C1orf159: variants seen among roughly 807,000 people sequenced by gnomAD.
The protein encoded by C1orf159 is chromosome 1 open reading frame 159.
A neutral mutation model predicts 25.6 loss-of-function variants in C1orf159; 19 were observed. The ratio of observed to expected loss-of-function variants is 0.74; its 90% CI spans 0.52 to 1.09. The LOEUF (loss-of-function observed/expected upper bound fraction) is 1.09, where lower values mean the gene tolerates loss of function less well. Among genes scored for constraint, C1orf159 ranks in the 50% least tolerant of loss-of-function variants. The pLI, the probability that C1orf159 is intolerant of heterozygous loss-of-function variation, is 0.00. For missense variants in C1orf159, 274 were observed against 290.6 expected (o/e 0.94, Z 0.42); for synonymous variants, 139 against 124.7 (o/e 1.12, Z -0.77).
intron 1 of C1orf159, among the ~76,000 whole-genome samples, chr1:1,100,592 C>G (rs373607144): frequency 1.3e-5 from 2 of 152,148 alleles, no homozygotes; most frequent in Non-Finnish European, 2.9e-5. Flanking sequence ...ATGACACTAT[C>G]GTTGGATTTC....
rs79165842 is a variant in C1orf159 at position 1,082,771 on chromosome 1, C to T, written c.*122G>A. 2,139 of 915,546 alleles carry T rather than the reference C, an allele frequency of 2.3e-3. 36 individuals are homozygous for T. The African/African-American group carries it at 0.031, about 13-fold the overall frequency. 56.7% of individuals were successfully genotyped at this position (915,546 alleles called of 1,614,324 possible). A position where few individuals can be genotyped will look rare whatever the true frequency, so the allele number is the denominator to read the frequency against. Reference sequence around the variant, plus strand: ...GCTGGGAGGCGGAGGGACTCAGAGCCGAGGCTGTGCCCAGGACTGTCCCGG... The same window carrying T: ...GCTGGGAGGCGGAGGGACTCAGAGCTGAGGCTGTGCCCAGGACTGTCCCGG... On this transcript the variant is annotated 3_prime_UTR_variant, in exon 10 of 10. Coordinates refer to ENST00000421241, the MANE Select transcript of C1orf159 (RefSeq NM_017891.5).
intron 1 of C1orf159, among the ~76,000 whole-genome samples, chr1:1,094,736 A>C (rs1177735311): frequency 6.6e-6 from 1 of 152,146 alleles, no homozygotes; most frequent in Non-Finnish European, 1.5e-5. Context: ...TCTTTTGAAG[A>C]GCAAATGTTT....
chr1:1,108,049 G>C (rs1646200026), intron 1 of C1orf159, among the ~76,000 whole-genome samples: 1 of 152,142 alleles, frequency 6.6e-6, no homozygotes, highest in African/African-American at 2.4e-5. Flanking sequence ...AGACACATTA[G>C]CAGCACCATT....
rs562895638 is a variant in C1orf159, at chr1:1,087,250, C to G, written c.245-46G>C. On this transcript the variant is annotated intron_variant, in intron 5 of 9. Transcript: ENST00000421241. This position sits in a 1 kb window ranked among gnomAD's most constrained non-coding sequence, Gnocchi z 8.3. ...GGGAAGCCTGTGTGCACGGAGCCCA[C>G]GGGGACACCCACGTGCACCCTGAAG... The G allele has an allele frequency of 1.3e-6, 2 of 1,547,934 alleles. No individual in the cohort carries two copies. The highest frequency in any genetic ancestry group is 2.7e-5 in the African/African-American group (2 of 73,372).
At chr1:1,108,109 T>TCAG (rs1438755640) in intron 1 of C1orf159, among the ~76,000 whole-genome samples, 26 of 138,760 alleles carry the variant, frequency 1.9e-4, no homozygotes, top group African/African-American at 7.2e-4. Flanking sequence ...GCCCCATGTC[T>TCAG]CAGCACTGTT....
rs1484620308 is a variant in C1orf159, at chr1:1,110,535, A to G, written c.-136+5525T>C. Among the ~76,000 whole-genome samples the G allele has an allele frequency of 2.0e-5, 3 of 152,346 alleles. No homozygotes were observed. Among genetic ancestry groups the G allele is most frequent in the African/African-American group, 2.4e-5 (1 of 41,582 alleles). ...TGCGAATGGCAACAGATGAGTGGACAGTGCTCAACACGGGTGAGCGTCAGG... is the reference window on the plus strand; with the variant it reads ...TGCGAATGGCAACAGATGAGTGGACGGTGCTCAACACGGGTGAGCGTCAGG... On this transcript the variant is annotated intron_variant, in intron 1 of 9. Transcript: ENST00000421241. This position sits in a 1 kb window ranked among gnomAD's most constrained non-coding sequence, Gnocchi z 4.8.
intron 7 of C1orf159, among the ~76,000 whole-genome samples, chr1:1,084,907 G>A (rs920160228): frequency 1.3e-5 from 2 of 152,104 alleles, no homozygotes; most frequent in African/African-American, 4.8e-5. Flanking sequence ...GTGGCTTTGA[G>A]CCCCACGGCC....
chr1:1,095,819 T>C (rs753011403), intron 1 of C1orf159, among the ~76,000 whole-genome samples: 2 of 152,206 alleles, frequency 1.3e-5, no homozygotes, highest in Non-Finnish European at 2.9e-5. Context: ...TAGATGTTCA[T>C]TTATCAGACT....
At chr1:1,086,165 G>A (rs1191394545) in intron 6 of C1orf159, among the ~76,000 whole-genome samples, 153 bp from the exon 7 acceptor site, 1 of 152,232 alleles carries the variant, frequency 6.6e-6, no homozygotes, top group Non-Finnish European at 1.5e-5. Flanking sequence ...TCTGCACATG[G>A]GCCTGGGTCA....
chr1:1,093,280 G>A (rs1645966136), intron 1 of C1orf159, among the ~76,000 whole-genome samples: 1 of 152,142 alleles, frequency 6.6e-6, no homozygotes, highest in South Asian at 2.1e-4. Context: ...GCATCCTGAG[G>A]GCCACATTAA....
chr1:1,111,715 G>C (rs1646258880), intron 1 of C1orf159, among the ~76,000 whole-genome samples: 1 of 152,220 alleles, frequency 6.6e-6, no homozygotes, highest in Non-Finnish European at 1.5e-5. Context: ...GAAAAGGGGA[G>C]GCGGGAGGGT....
chr1:1,106,064 CAA>C (rs1254645464), intron 1 of C1orf159: 2 of 152,036 alleles, frequency 1.3e-5, no homozygotes, highest in Non-Finnish European at 2.9e-5. Context: ...AAAAACAACA[CAA>C]AGAGGCAGAA....
rs544399587 is a variant in C1orf159 at position 1,082,802 on chromosome 1, G to C, written c.*91C>G. On this transcript the variant is annotated 3_prime_UTR_variant, in exon 10 of 10. Coordinates refer to ENST00000421241, the MANE Select transcript of C1orf159 (RefSeq NM_017891.5). ...TGTGCCCAGGACTGTCCCGGGCGCC[G>C]GGCGATGCCAACACTTTGTGCTGGT... 17 of 1,206,160 alleles carry C rather than the reference G, an allele frequency of 1.4e-5. No homozygotes were observed. The African/African-American group carries it at 2.0e-4, about 14-fold the overall frequency. The allele number at this position is 1,206,160 out of a possible 1,614,324, so 74.7% of individuals were successfully genotyped here.
chr1:1,091,519 G>A lies in C1orf159; in HGVS notation c.25C>T (p.Leu9=). 1 of 1,550,132 alleles carries A rather than the reference G, an allele frequency of 6.5e-7. No individual in the cohort carries two copies. The highest frequency in any genetic ancestry group is 8.7e-7 in the Non-Finnish European group (1 of 1,146,918). The part of the protein sequence containing the change: MALRHLAL[L]AGLLVGVASK... Reference sequence around the variant, plus strand: ...GCGACTCCCACGAGAAGGCCAGCCAGGAGGGCGAGGTGCCGCAGCGCCATG... The same window carrying A: ...GCGACTCCCACGAGAAGGCCAGCCAAGAGGGCGAGGTGCCGCAGCGCCATG... Residue 9 remains leucine (L), a synonymous_variant, in exon 3 of 10, where the codon CTG becomes TTG. Coordinates refer to ENST00000421241, the MANE Select transcript of C1orf159 (RefSeq NM_017891.5).
At chr1:1,091,869 G>C (rs1407452215) in intron 2 of C1orf159, 122 bp downstream of exon 2, 7 of 481,720 alleles carry the variant, frequency 1.5e-5, no homozygotes, top group Non-Finnish European at 2.0e-5. Context: ...AGATGGGGCA[G>C]GGCCGTGGCA....
At chr1:1,083,164 TC>T in intron 9 of C1orf159, 177 bp from the exon 10 acceptor site, 1 of 555,790 alleles carries the variant, frequency 1.8e-6, no homozygotes, top group East Asian at 3.2e-5. Flanking sequence ...CCCTCAGAGC[TC>T]CAGCTCGGGA....
At chr1:1,090,845 C>T (rs1335339026) in intron 3 of C1orf159, 2 of 1,522,704 alleles carry the variant, frequency 1.3e-6, no homozygotes, top group Admixed American at 3.9e-5. Flanking sequence ...TGCCCAGGTA[C>T]TGCACAGGTG....
At chr1:1,085,852 G>C in intron 7 of C1orf159, 26 bp downstream of exon 7, 1 of 1,611,894 alleles carries the variant, frequency 6.2e-7, no homozygotes, top group South Asian at 1.1e-5. Flanking sequence ...GCCCTCCCGT[G>C]GGGCAGGTGC....
At chr1:1,099,497 G>T (rs112051021) in intron 1 of C1orf159, among the ~76,000 whole-genome samples, 1 of 89,214 alleles carries the variant, frequency 1.1e-5, no homozygotes. Flanking sequence ...TAAAATCTCC[G>T]ACTATGATTG....
Sources: gnomAD v4.1 joint callset for allele counts (sites outside exome capture counted in the v4.1 genomes callset) on GRCh38, gnomAD v4.1.1 for gene constraint, Gnocchi (gnomAD v3.1) non-coding constraint, MANE v1.5 for transcripts, NCBI Gene and HGNC (gene_info 2026-07-23, HGNC 2026-07-21) for gene names.